Variants in ZNF804A observed in about 807,000 individuals in gnomAD.
ZNF804A encodes the protein zinc finger protein 804A.
In ZNF804A, 2 loss-of-function variants were observed where a neutral mutation model predicts 16.5. The observed-to-expected ratio is 0.12, with a 90% CI of 0.05 to 0.38. ZNF804A has a LOEUF of 0.38. Ranked by LOEUF, ZNF804A falls within the 10% of genes least tolerant of loss-of-function variation. The probability of loss-of-function intolerance (pLI) is 0.99; values close to 1 mark genes in which losing one functional copy is unlikely to be tolerated. For synonymous variants in ZNF804A, 534 were observed against 489.6 expected, an observed-to-expected ratio of 1.09 and a Z score of -1.20; for missense variants, 1,473 against 1,390.7, an observed-to-expected ratio of 1.06 and a Z score of -0.94.
chr2:184,774,913 T>C (rs1029673197), intron 1 of ZNF804A, among the ~76,000 whole-genome samples: 1 of 151,606 alleles, frequency 6.6e-6, no homozygotes, highest in African/African-American at 2.4e-5. Flanking sequence ...AAGAGATGGA[T>C]CACTCTCTTT....
intron 1 of ZNF804A, among the ~76,000 whole-genome samples, chr2:184,856,024 A>G (rs1292350677): frequency 6.6e-6 from 1 of 152,066 alleles, no homozygotes; most frequent in African/African-American, 2.4e-5. Flanking sequence ...AATAGCCAAA[A>G]CGATTCTGAA....
At chr2:184,867,872 T>C (rs1695898850) in intron 2 of ZNF804A, among the ~76,000 whole-genome samples, 1 of 152,060 alleles carries the variant, frequency 6.6e-6, no homozygotes, top group Non-Finnish European at 1.5e-5. Context: ...AAAGCCTGAG[T>C]ATATTACTAC....
intron 1 of ZNF804A, among the ~76,000 whole-genome samples, chr2:184,785,031 G>T (rs1396119394): frequency 1.3e-5 from 2 of 151,846 alleles, no homozygotes; most frequent in Non-Finnish European, 2.9e-5. Flanking sequence ...TGCATGATAC[G>T]TATGTAAAAG....
chr2:184,727,128 A>G (rs1360735027), intron 1 of ZNF804A, among the ~76,000 whole-genome samples: 2 of 151,552 alleles, frequency 1.3e-5, no homozygotes, highest in Non-Finnish European at 3.0e-5. Flanking sequence ...ATATGTTAGC[A>G]TTTCATTTAG....
chr2:184,615,502 A>G (rs1031067127), intron 1 of ZNF804A, among the ~76,000 whole-genome samples: 6 of 152,168 alleles, frequency 3.9e-5, no homozygotes, highest in Non-Finnish European at 1.5e-5. Flanking sequence ...GATAACTTAT[A>G]TGGTAACTCT....
At chr2:184,898,764 A>G (rs548849988) in intron 2 of ZNF804A, among the ~76,000 whole-genome samples, 1 of 152,120 alleles carries the variant, frequency 6.6e-6, no homozygotes, top group South Asian at 2.1e-4. Flanking sequence ...CTCATCATCT[A>G]ACTCTTCTTA....
At chr2:184,633,221 A>T (rs1340426004) in intron 1 of ZNF804A, among the ~76,000 whole-genome samples, 1 of 152,180 alleles carries the variant, frequency 6.6e-6, no homozygotes, top group Non-Finnish European at 1.5e-5. Flanking sequence ...CTACCCTGCT[A>T]TAATCTCTTA....
chr2:184,924,199 C>A (rs1324301667), intron 2 of ZNF804A, among the ~76,000 whole-genome samples: 1 of 151,830 alleles, frequency 6.6e-6, no homozygotes. Flanking sequence ...TCATCAGGTG[C>A]TGGGATTTTT....
intron 1 of ZNF804A, among the ~76,000 whole-genome samples, chr2:184,818,767 A>G (rs965957060): frequency 4.6e-5 from 7 of 152,064 alleles, no homozygotes; most frequent in Admixed American, 3.3e-4. Flanking sequence ...TTTCTGACAA[A>G]ACAGACTTCA....
intron 1 of ZNF804A, among the ~76,000 whole-genome samples, chr2:184,807,058 C>A (rs977366168): frequency 5.9e-5 from 9 of 151,514 alleles, no homozygotes; most frequent in African/African-American, 2.2e-4. Flanking sequence ...TCAGATAGCC[C>A]CTGTCCAACT....
intron 2 of ZNF804A, among the ~76,000 whole-genome samples, chr2:184,916,177 G>A (rs1685447192): frequency 6.6e-6 from 1 of 151,986 alleles, no homozygotes; most frequent in African/African-American, 2.4e-5. Context: ...ACAACTCTCT[G>A]GAATTCAAAG....
At chr2:184,708,868 C>T (rs938400114) in intron 1 of ZNF804A, among the ~76,000 whole-genome samples, 5 of 152,048 alleles carry the variant, frequency 3.3e-5, no homozygotes, top group Admixed American at 1.3e-4. Context: ...CTCAGAATGA[C>T]ATTCAAACTC....
At chr2:184,599,274 T>C (rs1352552616) in intron 1 of ZNF804A, among the ~76,000 whole-genome samples, 3 of 152,162 alleles carry the variant, frequency 2.0e-5, no homozygotes, top group Non-Finnish European at 4.4e-5. Flanking sequence ...ACTTCCACAA[T>C]GCTCTGGACT....
chr2:184,683,002 AAAAAT>A (rs1182784388), intron 1 of ZNF804A, among the ~76,000 whole-genome samples: 2 of 152,212 alleles, frequency 1.3e-5, no homozygotes, highest in African/African-American at 4.8e-5. Flanking sequence ...CCCTCTCTCA[AAAAAT>A]AAAATAAAAC....
chr2:184,629,015 A>G (rs1348450535), intron 1 of ZNF804A, among the ~76,000 whole-genome samples: 1 of 152,038 alleles, frequency 6.6e-6, no homozygotes, highest in African/African-American at 2.4e-5. Flanking sequence ...ATTTTTTGAC[A>G]TTCACTTTTA....
chr2:184,861,966 A>G (rs1347490274), intron 1 of ZNF804A, among the ~76,000 whole-genome samples: 4 of 152,168 alleles, frequency 2.6e-5, no homozygotes, highest in Non-Finnish European at 5.9e-5. Flanking sequence ...CTGTTTTTAC[A>G]TATATGTAAA....
intron 1 of ZNF804A, among the ~76,000 whole-genome samples, chr2:184,860,601 C>T (rs113834813): frequency 1.2e-4 from 19 of 152,108 alleles, no homozygotes; most frequent in African/African-American, 3.6e-4. Flanking sequence ...AAGAAAGGCC[C>T]AGAAAGAGTC....
At chr2:184,786,439 T>C (rs916040730) in intron 1 of ZNF804A, among the ~76,000 whole-genome samples, 1 of 152,082 alleles carries the variant, frequency 6.6e-6, no homozygotes, top group African/African-American at 2.4e-5. Context: ...AATGTATGCT[T>C]AACATTTTAA....
At position 184,938,428 on chromosome 2, in the gene ZNF804A, A is replaced by G. The variant is rs747534344; in HGVS notation, c.3032A>G (p.His1011Arg). Reference protein sequence around the residue: ...TQPPLPFKEAHVSGHTFVTAE... With the variant: ...TQPPLPFKEARVSGHTFVTAE... ...CCACCATTACCATTCAAAGAAGCAC[A>G]TGTCAGTGGTCATACTTTTGTAACA... Residue 1011 changes from histidine (H) to arginine (R), a missense_variant, in exon 4 of 4, where the codon CAT becomes CGT. Transcript: ENST00000302277. 8.7e-6 allele frequency: 14 copies of G among 1,614,078 alleles called. No individual in the cohort carries two copies. The highest frequency in any genetic ancestry group is 1.2e-5 in the Non-Finnish European group (14 of 1,180,010).
Sources: allele counts gnomAD v4.1 joint callset (sites outside exome capture counted in the v4.1 genomes callset), GRCh38; gene constraint gnomAD v4.1.1; transcripts MANE v1.5; gene names NCBI Gene and HGNC (gene_info 2026-07-23, HGNC 2026-07-21).